SFTPD: variants seen among roughly 807,000 people sequenced by gnomAD.
SFTPD encodes surfactant protein D.
In SFTPD, 18 loss-of-function variants were observed where a neutral mutation model predicts 34.6. That is an observed-to-expected ratio of 0.52 (90% CI 0.36 to 0.77). The LOEUF (loss-of-function observed/expected upper bound fraction) is 0.77. SFTPD is among the 30% of genes least tolerant of loss of function. SFTPD has a pLI of 0.00. For synonymous variants in SFTPD, 155 were observed against 180.9 expected (o/e 0.86, Z 1.15); for missense variants, 433 against 468.9 (o/e 0.92, Z 0.71).
chr10:79,982,001 TC>T, intron 1 of SFTPD: 1 of 301,364 alleles, frequency 3.3e-6, no homozygotes. Flanking sequence ...CTCGCCCACC[TC>T]CCCAGGAAGA....
intron 1 of SFTPD, among the ~76,000 whole-genome samples, chr10:79,961,450 G>GA (rs202035213): frequency 0.15 from 22,177 of 149,624 alleles, 2,053 homozygotes; most frequent in East Asian, 0.42. Context: ...AAATTTACAA[G>GA]AAAAAAAACA....
chr10:79,975,033 TATA>T (rs1032516573), intron 1 of SFTPD, among the ~76,000 whole-genome samples: 1 of 151,994 alleles, frequency 6.6e-6, no homozygotes, highest in Non-Finnish European at 1.5e-5. Flanking sequence ...CAAATGTAGC[TATA>T]ATATTTCCCT....
chr10:79,940,591 C>T, intron 7 of SFTPD, 114 bp downstream of exon 7: 2 of 682,402 alleles, frequency 2.9e-6, no homozygotes, highest in South Asian at 3.5e-5. Context: ...CCAGGGCAGG[C>T]TCTGCCTCAG....
At chr10:79,948,354 C>T (rs1842686627) in intron 1 of SFTPD, among the ~76,000 whole-genome samples, 1 of 152,174 alleles carries the variant, frequency 6.6e-6, no homozygotes, top group South Asian at 2.1e-4. Context: ...ACAGAAGGCA[C>T]CAGCAGCCAC....
In SFTPD at chr10:79,975,821, A is replaced by G. The variant is rs192186777; in HGVS notation, c.36+6754T>C. 9.1e-4 allele frequency among the ~76,000 whole-genome samples: 139 copies of G among 152,356 alleles called. 1 individual carries two copies. Among genetic ancestry groups the G allele is most frequent in the African/African-American group, 3.1e-3 (128 of 41,582 alleles). On this transcript the variant is annotated intron_variant, in intron 1 of 5. Transcript: ENST00000444384. Reference sequence around the variant, plus strand: ...AAGGAAGGCATGGGCCCAAATAAAGAGGTGGGTCTGGCTAGTCATCTGCAG... The same window carrying G: ...AAGGAAGGCATGGGCCCAAATAAAGGGGTGGGTCTGGCTAGTCATCTGCAG...
In SFTPD at chr10:79,946,463, G is replaced by T; in HGVS notation, c.197C>A (p.Pro66Gln). The T allele has an allele frequency of 4.3e-6, 7 of 1,612,840 alleles. No individual in the cohort carries two copies. Among genetic ancestry groups the T allele is most frequent in the Non-Finnish European group, 5.9e-6 (7 of 1,179,066 alleles). ...ATAAGCCCAGGGCCCCACCCTACCT[G>T]GGTCCCCCTTCTCGCCCCGAGGGCC... ...REGPRGEKGD[P>Q]GLPGAAGQAG... Residue 66 changes from proline to glutamine, a missense_variant and splice_region_variant, in exon 2 of 8, where the codon CCA becomes CAA. Pro to Gln is a moderately conservative substitution (Grantham distance 76, BLOSUM62 -1). Transcript: ENST00000372292.
chr10:79,942,300 TG>T, intron 4 of SFTPD, 87 bp downstream of exon 4: 1 of 925,866 alleles, frequency 1.1e-6, no homozygotes, highest in South Asian at 1.4e-5. Flanking sequence ...GGGCTCTCCC[TG>T]GCACTCTGAG....
chr10:79,981,684 G>A (rs1589345850), intron 1 of SFTPD, among the ~76,000 whole-genome samples: 1 of 152,296 alleles, frequency 6.6e-6, no homozygotes, highest in East Asian at 1.9e-4. Flanking sequence ...GTGGGAAGAG[G>A]GAAGGTGGCG....
Position 79,938,196 on chromosome 10 carries a change from C to A in SFTPD, c.784G>T (p.Glu262Ter). The change falls in exon 8 of 8, where the codon GAG becomes TAG. Residue 262 changes from glutamate (E) to a stop codon, truncating the protein, a stop_gained. Transcript: ENST00000372292. LOFTEE classifies it low-confidence loss of function (END_TRUNC). ...AAGCCTGCTGTCTTGAAAATCTTCT[C>A]CCCGACACTTTGGCCATTTGGGAAG... is the stretch of plus-strand genomic sequence containing the variant. ...ELFPNGQSVG[E>*]KIFKTAGFVK... is the part of the protein sequence containing the mutation. 2 of 1,599,632 alleles carry A rather than the reference C, an allele frequency of 1.3e-6. No homozygotes were observed. Among genetic ancestry groups the A allele is most frequent in the Non-Finnish European group, 1.7e-6 (2 of 1,167,942 alleles).
chr10:79,952,716 G>A (rs1164883526), upstream of SFTPD, among the ~76,000 whole-genome samples: 1 of 106,004 alleles, frequency 9.4e-6, no homozygotes, highest in Non-Finnish European at 1.9e-5. Context: ...AAACACAAGG[G>A]CTGGGATTCC....
In SFTPD at chr10:79,942,791, A is replaced by G; in HGVS notation, c.288T>C (p.Pro96=). Residue 96 remains proline, a synonymous_variant, in exon 3 of 8, where the codon CCT becomes CCC. Transcript: ENST00000372292. Reference sequence around the variant, plus strand: ...TTGGCCCAGTGTCTCCCTTTGGTCCAGGTTCTCCAACAGAGCCATTGTCCC... The same window carrying G: ...TTGGCCCAGTGTCTCCCTTTGGTCCGGGTTCTCCAACAGAGCCATTGTCCC... ...PKGDNGSVGE[P]GPKGDTGPSG... is the part of the protein sequence containing the mutation. 1.9e-6 allele frequency: 3 copies of G among 1,613,262 alleles called. No homozygotes were observed. The highest frequency in any genetic ancestry group is 1.7e-4 in the Middle Eastern group (1 of 6,058).
At chr10:79,940,675 C>G (rs776711104) in intron 7 of SFTPD, 30 bp downstream of exon 7, 1 of 1,429,034 alleles carries the variant, frequency 7.0e-7, no homozygotes. Context: ...AATGCCAGTG[C>G]TGGGTCCAGG....
At chr10:79,962,020 C>A in intron 1 of SFTPD, among the ~76,000 whole-genome samples, 1 of 145,406 alleles carries the variant, frequency 6.9e-6, no homozygotes, top group African/African-American at 2.6e-5. Context: ...TGGAAACCAT[C>A]ATTCTCAGCA....
At chr10:79,965,441 G>A (rs940979588) in intron 1 of SFTPD, among the ~76,000 whole-genome samples, 9 of 150,390 alleles carry the variant, frequency 6.0e-5, no homozygotes, top group Non-Finnish European at 1.3e-4. Context: ...CCCTAATCCC[G>A]CTCGAAGCAG....
At chr10:79,973,692 G>T (rs889396664) in intron 1 of SFTPD, among the ~76,000 whole-genome samples, 1 of 150,024 alleles carries the variant, frequency 6.7e-6, no homozygotes, top group Non-Finnish European at 1.5e-5. Context: ...TATACCCTCT[G>T]TCCCATCTTT....
intron 1 of SFTPD, among the ~76,000 whole-genome samples, chr10:79,959,751 T>C (rs1842761499): frequency 6.6e-6 from 1 of 152,160 alleles, no homozygotes. Context: ...TCTGAAACTA[T>C]TCCAATCAAT....
intron 1 of SFTPD, among the ~76,000 whole-genome samples, chr10:79,958,196 A>G (rs1331492689): frequency 6.6e-6 from 1 of 152,242 alleles, no homozygotes; most frequent in African/African-American, 2.4e-5. Context: ...CTGCAAAAAC[A>G]TGCCAAAATG....
chr10:79,975,131 C>A (rs114121787), intron 1 of SFTPD, among the ~76,000 whole-genome samples: 2,894 of 152,240 alleles, frequency 0.019, 101 homozygotes, highest in African/African-American at 0.066. Context: ...TCCTGCCTGA[C>A]TAGAACTAAG....
At chr10:79,961,560 C>G (rs188858006) in intron 1 of SFTPD, among the ~76,000 whole-genome samples, 160 of 152,252 alleles carry the variant, frequency 1.1e-3, no homozygotes, top group African/African-American at 3.4e-3. Flanking sequence ...TCATCACTGG[C>G]CATCAGAGAA....
Sources: gnomAD v4.1 joint callset for allele counts (sites outside exome capture counted in the v4.1 genomes callset) on GRCh38, gnomAD v4.1.1 for gene constraint, MANE v1.5 for transcripts, NCBI Gene and HGNC (gene_info 2026-07-23, HGNC 2026-07-21) for gene names.